PAQR5: variants seen among roughly 807,000 people sequenced by gnomAD.
PAQR5 encodes the protein membrane progestin receptor gamma.
In PAQR5, 20 loss-of-function variants were observed where a neutral mutation model predicts 34.5. The observed-to-expected ratio is 0.58, with a 90% CI of 0.41 to 0.84. The LOEUF (loss-of-function observed/expected upper bound fraction) is 0.84. Ranked by LOEUF, PAQR5 falls within the 40% of genes least tolerant of loss-of-function variation. PAQR5 has a pLI of 0.00. For synonymous variants in PAQR5, 131 were observed against 155.6 expected, an observed-to-expected ratio of 0.84 and a Z score of 1.18; for missense variants, 378 against 412.7, an observed-to-expected ratio of 0.92 and a Z score of 0.73.
intron 1 of PAQR5, among the ~76,000 whole-genome samples, chr15:69,334,475 C>G (rs1299138406): frequency 6.6e-6 from 1 of 152,150 alleles, no homozygotes; most frequent in Non-Finnish European, 1.5e-5. Flanking sequence ...TGTTCAATTT[C>G]CCTACTTTGG....
In PAQR5 at chr15:69,300,911, TCCTTTCTC is replaced by T. The variant is rs1244256149; in HGVS notation, c.-277+1856_-277+1863del. On this transcript the variant is annotated intron_variant, in intron 1 of 8. Coordinates refer to ENST00000395407, the MANE Select transcript of PAQR5 (RefSeq NM_017705.4). Reference sequence around the variant, plus strand: ...TTTCTTTCTTCCTTCCTTCCTTCCTTCCTTTCTCTCTCTCTCTCTCTCTCTCTCTTTCT... The same window carrying T: ...TTTCTTTCTTCCTTCCTTCCTTCCTTTCTCTCTCTCTCTCTCTCTCTTTCT... Among the ~76,000 whole-genome samples, 11 of 18,812 alleles carry T rather than the reference TCCTTTCTC, an allele frequency of 5.8e-4. 4 individuals carry two copies. Among genetic ancestry groups the T allele is most frequent in the East Asian group, 4.9e-3 (2 of 410 alleles). The allele number at this position is 18,812 out of a possible 152,430, so 12.3% of individuals were successfully genotyped here.
rs1359969129 is a variant in PAQR5, at chr15:69,407,047, G to C, written c.*3225G>C. The C allele has an allele frequency of 1.3e-5, 2 of 152,240 alleles. No homozygotes were observed. The highest frequency in any genetic ancestry group is 2.9e-5 in the Non-Finnish European group (2 of 68,052). 9.4% of individuals were successfully genotyped at this position (152,240 alleles called of 1,614,324 possible). Reference sequence around the variant, plus strand: ...ATATGAGAGGTTCTGAGGTAGGTGCGGTGTAGTAGAATGGCATTGTCAGAT... The same window carrying C: ...ATATGAGAGGTTCTGAGGTAGGTGCCGTGTAGTAGAATGGCATTGTCAGAT... On this transcript the variant is annotated 3_prime_UTR_variant, in exon 9 of 9. Coordinates refer to ENST00000395407, the MANE Select transcript of PAQR5 (RefSeq NM_017705.4).
At chr15:69,392,342 G>A (rs1353313466) in intron 6 of PAQR5, among the ~76,000 whole-genome samples, 1 of 152,176 alleles carries the variant, frequency 6.6e-6, no homozygotes, top group East Asian at 1.9e-4. Flanking sequence ...GGGGTCTTTT[G>A]GATGTGGCAT....
chr15:69,314,964 C>T (rs1350897189), intron 1 of PAQR5, among the ~76,000 whole-genome samples: 5 of 152,098 alleles, frequency 3.3e-5, no homozygotes, highest in South Asian at 2.1e-4. Context: ...GCTGTCTGGG[C>T]GCCTGCTGGT....
Position 69,359,948 on chromosome 15 carries a change from C to T in PAQR5, c.-115-18C>T, listed in dbSNP as rs948213370. On this transcript the variant is annotated intron_variant, in intron 2 of 8. Transcript: ENST00000395407. ...TAGGCTGAAACTGACTGGATTTCTT[C>T]ATGCTGTCCTCTTTCAGGGAAGCGG... 3.6e-5 allele frequency: 25 copies of T among 689,454 alleles called. No homozygotes were observed. Among genetic ancestry groups the T allele is most frequent in the Non-Finnish European group, 6.2e-5 (24 of 386,892 alleles). 42.7% of individuals were successfully genotyped at this position (689,454 alleles called of 1,614,324 possible).
At chr15:69,382,807 T>TGC (rs1312281538) in intron 4 of PAQR5, 5 of 5,760 alleles carry the variant, frequency 8.7e-4, no homozygotes, top group African/African-American at 1.9e-3. Context: ...TGACCATATA[T>TGC]ATATATATAT....
At chr15:69,328,161 T>C (rs2054296848) in intron 1 of PAQR5, among the ~76,000 whole-genome samples, 2 of 152,214 alleles carry the variant, frequency 1.3e-5, no homozygotes, top group Admixed American at 1.3e-4. Flanking sequence ...ATGACAACAT[T>C]TGAAAGGATC....
intron 1 of PAQR5, among the ~76,000 whole-genome samples, chr15:69,300,026 T>G (rs374577280): frequency 6.6e-6 from 1 of 152,152 alleles, no homozygotes; most frequent in Admixed American, 6.5e-5. Context: ...GAGAAACTGG[T>G]GGGCTTTTCT....
At chr15:69,338,163 A>G (rs1170936785) in intron 2 of PAQR5, among the ~76,000 whole-genome samples, 1 of 152,228 alleles carries the variant, frequency 6.6e-6, no homozygotes, top group Non-Finnish European at 1.5e-5. Flanking sequence ...AGGTACCCAG[A>G]CGGATGCATG....
intron 1 of PAQR5, among the ~76,000 whole-genome samples, chr15:69,335,203 GAGACC>G (rs1456902084): frequency 1.3e-5 from 2 of 150,014 alleles, no homozygotes; most frequent in East Asian, 4.0e-4. Flanking sequence ...GCAACAGAGT[GAGACC>G]ATGTCTCAAA....
chr15:69,379,324 CTT>C (rs1259987364), intron 3 of PAQR5: 1 of 662,090 alleles, frequency 1.5e-6, no homozygotes, highest in Non-Finnish European at 1.9e-6. Flanking sequence ...GTGGGGGTGA[CTT>C]GAGCAGCCGT....
At chr15:69,351,241 G>A (rs2089166) in intron 2 of PAQR5, among the ~76,000 whole-genome samples, 12,105 of 152,292 alleles carry the variant, frequency 0.079, 1,141 homozygotes, top group African/African-American at 0.22. Context: ...GATTAGTGCT[G>A]CTATCAAGGA....
chr15:69,399,270 T>C lies in PAQR5; in HGVS notation c.610-704T>C, dbSNP rs559116259. On this transcript the variant is annotated intron_variant, in intron 7 of 8. Coordinates refer to ENST00000395407, the MANE Select transcript of PAQR5 (RefSeq NM_017705.4). ...CCACTAAACAGTTGACCCTTAAACA[T>C]GGGTTGGAACTTTACATGGATTTTC... 1.1e-3 allele frequency among the ~76,000 whole-genome samples: 173 copies of C among 152,316 alleles called. 1 individual carries two copies. The highest frequency in any genetic ancestry group is 2.0e-3 in the Non-Finnish European group (138 of 68,024).
chr15:69,389,820 G>T (rs1436244470), intron 6 of PAQR5, 40 bp downstream of exon 6: 1 of 1,609,124 alleles, frequency 6.2e-7, no homozygotes, highest in Non-Finnish European at 8.5e-7. Flanking sequence ...GGGAGGGAGG[G>T]TCTTGCATGC....
intron 4 of PAQR5, among the ~76,000 whole-genome samples, chr15:69,382,521 T>C (rs1454130620): frequency 1.3e-4 from 20 of 150,982 alleles, no homozygotes; most frequent in Admixed American, 1.3e-3. Context: ...GGAGGGTGCC[T>C]GTAGTCCCAG....
Position 69,404,862 on chromosome 15 carries a change from A to C in PAQR5, c.*1040A>C, listed in dbSNP as rs2056732434. 1 of 398,136 alleles carries C rather than the reference A, an allele frequency of 2.5e-6. No individual in the cohort carries two copies. Among genetic ancestry groups the C allele is most frequent in the Non-Finnish European group, 4.4e-6 (1 of 225,942 alleles). The allele number at this position is 398,136 out of a possible 1,614,324, so 24.7% of individuals were successfully genotyped here. A position where few individuals can be genotyped will look rare whatever the true frequency, so the allele number is the denominator to read the frequency against. On this transcript the variant is annotated 3_prime_UTR_variant, in exon 9 of 9. Coordinates refer to ENST00000395407, the MANE Select transcript of PAQR5 (RefSeq NM_017705.4). Reference sequence around the variant, plus strand: ...AGGGAAAACCAGGGGGTTCTGCTTCACTAGGTTAAATGTAGGTTTTGTAGA... The same window carrying C: ...AGGGAAAACCAGGGGGTTCTGCTTCCCTAGGTTAAATGTAGGTTTTGTAGA...
At chr15:69,299,150 C>T (rs2053462523) in intron 1 of PAQR5, 94 bp downstream of exon 1, 1 of 152,126 alleles carries the variant, frequency 6.6e-6, no homozygotes, top group Non-Finnish European at 1.5e-5. Flanking sequence ...CGCCCTGCGC[C>T]CGTGGAGCCC....
In PAQR5 at chr15:69,299,953, T is replaced by G. The variant is rs2053492574; in HGVS notation, c.-277+897T>G. On this transcript the variant is annotated intron_variant, in intron 1 of 8. Transcript: ENST00000395407. The stretch of plus-strand genomic sequence containing the variant: ...TTGAACCTAACAAACCAATGGCGAG[T>G]AGATATTAACACATGGGCAGATGAG... Among the ~76,000 whole-genome samples, 2 of 151,758 alleles carry G rather than the reference T, an allele frequency of 1.3e-5. 1 individual carries two copies. Among genetic ancestry groups the G allele is most frequent in the South Asian group, 4.2e-4 (2 of 4,796 alleles).
intron 1 of PAQR5, among the ~76,000 whole-genome samples, chr15:69,337,105 G>C (rs1438848189): frequency 6.6e-6 from 1 of 152,158 alleles, no homozygotes; most frequent in East Asian, 1.9e-4. Flanking sequence ...TGGAGAGCTG[G>C]TATGTTAAAC....
Sources: gnomAD v4.1 joint callset for allele counts (sites outside exome capture counted in the v4.1 genomes callset) on GRCh38, gnomAD v4.1.1 for gene constraint, MANE v1.5 for transcripts, NCBI Gene and HGNC (gene_info 2026-07-23, HGNC 2026-07-21) for gene names.